The following P2RY14 variants were observed in gnomAD, a reference collection of about 807,000 sequenced individuals.
P2RY14 encodes P2Y purinoceptor 14.
Under a neutral mutation model 0.9 loss-of-function variants are expected in P2RY14, and 2 were observed. The observed-to-expected ratio is 2.16, with a 90% CI of 0.88 to 6.79. P2RY14 has a LOEUF of 6.79. P2RY14 is among the 30% of genes most tolerant of loss of function. P2RY14 has a pLI of 0.05. For missense variants in P2RY14, 378 were observed against 400.1 expected (o/e 0.94, Z 0.47); for synonymous variants, 158 against 147.2 (o/e 1.07, Z -0.53).
rs781402240 is a variant in P2RY14 at position 151,214,203 on chromosome 3, T to G, written c.114A>C (p.Leu38=). Reference sequence around the variant, plus strand: ...ATATCCATCCTGACACTCCATTGAGTAGGATTCCTGCAATGAAGACCATAC... The same window carrying G: ...ATATCCATCCTGACACTCCATTGAGGAGGATTCCTGCAATGAAGACCATAC... ...LYCMVFIAGI[L]LNGVSGWIFF... The change falls in exon 3 of 3, where the codon CTA becomes CTC. Residue 38 remains leucine, a synonymous_variant. Coordinates refer to ENST00000309170, the MANE Select transcript of P2RY14 (RefSeq NM_014879.4). 1 of 1,613,786 alleles carries G rather than the reference T, an allele frequency of 6.2e-7. No homozygotes were observed. Among genetic ancestry groups the G allele is most frequent in the Non-Finnish European group, 8.5e-7 (1 of 1,179,772 alleles).
intron 2 of P2RY14, among the ~76,000 whole-genome samples, chr3:151,219,090 A>G (rs1010160755): frequency 6.6e-6 from 1 of 152,168 alleles, no homozygotes; most frequent in Admixed American, 6.6e-5. Context: ...GCCCAAAGAC[A>G]GTTATTAAAG....
chr3:151,229,629 C>T (rs2149316477), intron 1 of P2RY14, among the ~76,000 whole-genome samples: 1 of 152,156 alleles, frequency 6.6e-6, no homozygotes, highest in South Asian at 2.1e-4. Context: ...CAGGCGCCCA[C>T]CACCATGCCT....
intron 1 of P2RY14, chr3:151,248,808 T>G (rs1382816764): frequency 6.6e-6 from 1 of 152,160 alleles, no homozygotes; most frequent in Non-Finnish European, 1.5e-5. Context: ...CATTTTACAT[T>G]GTAATCACAA....
chr3:151,234,632 TTGAG>T (rs1350072927), intron 1 of P2RY14, among the ~76,000 whole-genome samples: 4 of 152,190 alleles, frequency 2.6e-5, no homozygotes, highest in African/African-American at 9.7e-5. Context: ...GCTTAATGGG[TTGAG>T]TAAGTTCCCA....
intron 1 of P2RY14, among the ~76,000 whole-genome samples, chr3:151,271,193 A>T (rs1441341356): frequency 6.6e-6 from 1 of 151,474 alleles, no homozygotes; most frequent in African/African-American, 2.4e-5. Context: ...TCAGTTTCTT[A>T]AAAAAAATGC....
chr3:151,276,447 G>C (rs537774499), intron 1 of P2RY14, among the ~76,000 whole-genome samples: 6 of 152,234 alleles, frequency 3.9e-5, no homozygotes, highest in Non-Finnish European at 8.8e-5. Flanking sequence ...CATGATGATG[G>C]CAGAATATGC....
intron 1 of P2RY14, among the ~76,000 whole-genome samples, chr3:151,247,950 C>CT (rs1240565387): frequency 1.3e-5 from 1 of 78,748 alleles, no homozygotes; most frequent in Non-Finnish European, 2.5e-5. Flanking sequence ...TACTTTCTTT[C>CT]TTCTTCTTCT....
chr3:151,251,601 T>C (rs1389172720), intron 1 of P2RY14, among the ~76,000 whole-genome samples: 1 of 152,156 alleles, frequency 6.6e-6, no homozygotes, highest in Non-Finnish European at 1.5e-5. Flanking sequence ...TTCAGTAGAG[T>C]GCTCTGTGAT....
intron 1 of P2RY14, among the ~76,000 whole-genome samples, chr3:151,237,365 T>TA (rs1553753114): frequency 1.5e-5 from 2 of 136,708 alleles, no homozygotes; most frequent in African/African-American, 6.2e-5. Context: ...TTTTTTTTTT[T>TA]TGAGACAGAG....
intron 2 of P2RY14, among the ~76,000 whole-genome samples, chr3:151,218,329 GA>G (rs1728632214): frequency 6.6e-6 from 1 of 152,238 alleles, no homozygotes; most frequent in East Asian, 1.9e-4. Flanking sequence ...ATTAAAAGAT[GA>G]ACAGGACTTC....
At chr3:151,224,892 C>G (rs1293009596) in intron 1 of P2RY14, among the ~76,000 whole-genome samples, 1 of 152,120 alleles carries the variant, frequency 6.6e-6, no homozygotes, top group Non-Finnish European at 1.5e-5. Context: ...ATATTTCTTC[C>G]TTTGCCAAGG....
chr3:151,231,459 C>T (rs1274689293), intron 1 of P2RY14, among the ~76,000 whole-genome samples: 2 of 152,124 alleles, frequency 1.3e-5, no homozygotes, highest in African/African-American at 2.4e-5. Context: ...CATCGTATGC[C>T]TCCTGATATG....
At chr3:151,234,664 C>A (rs1732358177) in intron 1 of P2RY14, among the ~76,000 whole-genome samples, 1 of 152,170 alleles carries the variant, frequency 6.6e-6, no homozygotes, top group Admixed American at 6.5e-5. Context: ...TAATCAGAGC[C>A]CCTACAACTA....
At chr3:151,269,052 T>G (rs1395644647) in intron 1 of P2RY14, among the ~76,000 whole-genome samples, 1 of 152,150 alleles carries the variant, frequency 6.6e-6, no homozygotes, top group Non-Finnish European at 1.5e-5. Flanking sequence ...TTGGCCTCTC[T>G]GGGCTTGCTG....
intron 1 of P2RY14, among the ~76,000 whole-genome samples, chr3:151,254,842 TTGCTGTCTTATAAA>T (rs1737522479): frequency 6.6e-6 from 1 of 152,226 alleles, no homozygotes; most frequent in African/African-American, 2.4e-5. Flanking sequence ...GTTGCAATTA[TTGCTGTCTTATAAA>T]TGTCACATAC....
intron 1 of P2RY14, among the ~76,000 whole-genome samples, chr3:151,222,252 A>C (rs530396496): frequency 2.0e-5 from 3 of 152,196 alleles, no homozygotes; most frequent in Non-Finnish European, 4.4e-5. Context: ...CTTGTCTGGG[A>C]TGAGACTCTG....
At chr3:151,271,214 C>T (rs150704380) in intron 1 of P2RY14, among the ~76,000 whole-genome samples, 408 of 152,068 alleles carry the variant, frequency 2.7e-3, no homozygotes, top group African/African-American at 9.2e-3. Flanking sequence ...TGAAAAGATG[C>T]AAACAAATAA....
intron 1 of P2RY14, among the ~76,000 whole-genome samples, chr3:151,271,717 T>A (rs1740985330): frequency 6.6e-6 from 1 of 152,132 alleles, no homozygotes; most frequent in Non-Finnish European, 1.5e-5. Context: ...CAAAACATGC[T>A]GAGCAAAACA....
intron 1 of P2RY14, among the ~76,000 whole-genome samples, chr3:151,260,551 A>G (rs1012057236): frequency 5.3e-5 from 8 of 152,068 alleles, no homozygotes; most frequent in African/African-American, 9.7e-5. Flanking sequence ...GGGTCTCACA[A>G]TGTTGCCGTG....
Sources: gnomAD v4.1 joint callset for allele counts (sites outside exome capture counted in the v4.1 genomes callset) on GRCh38, gnomAD v4.1.1 for gene constraint, MANE v1.5 for transcripts, NCBI Gene and HGNC (gene_info 2026-07-23, HGNC 2026-07-21) for gene names.